Variants in BLTP3B observed in about 807,000 individuals in gnomAD.
The protein encoded by BLTP3B is bridge-like lipid transfer protein family member 3B.
chr12:100,046,295 T>C, the BLTP3B span, among the ~76,000 whole-genome samples: 1 of 152,280 alleles, frequency 6.6e-6, no homozygotes, highest in East Asian at 1.9e-4. Context: ...ATTGCAGCAC[T>C]ATTCACAATA....
the BLTP3B span, among the ~76,000 whole-genome samples, chr12:100,120,494 A>C: frequency 6.6e-6 from 1 of 152,202 alleles, no homozygotes; most frequent in African/African-American, 2.4e-5. Flanking sequence ...AGTCATTAGA[A>C]AACTGCAAAT....
the BLTP3B span, among the ~76,000 whole-genome samples, chr12:100,040,084 A>G: frequency 6.6e-6 from 1 of 152,154 alleles, no homozygotes; most frequent in East Asian, 1.9e-4. Flanking sequence ...ATTTAATTTA[A>G]AGGCTTATTA....
the BLTP3B span, among the ~76,000 whole-genome samples, chr12:100,091,105 C>T: frequency 2.0e-5 from 3 of 150,470 alleles, no homozygotes; most frequent in Non-Finnish European, 4.4e-5. Flanking sequence ...CAGCTCACTG[C>T]AACGTCCGCC....
the BLTP3B span, among the ~76,000 whole-genome samples, chr12:100,082,465 G>A: frequency 9.8e-3 from 1,496 of 152,238 alleles, 16 homozygotes; most frequent in Non-Finnish European, 0.017. Flanking sequence ...GATCTTGGCC[G>A]AGGCCAATCT....
the BLTP3B span, chr12:100,047,602 G>C: frequency 6.2e-7 from 1 of 1,613,322 alleles, no homozygotes; most frequent in Non-Finnish European, 8.5e-7. Flanking sequence ...ACAGGAGCTG[G>C]TTCAAGGGAT....
the BLTP3B span, among the ~76,000 whole-genome samples, chr12:100,060,621 G>T: frequency 6.6e-6 from 1 of 152,070 alleles, no homozygotes; most frequent in Non-Finnish European, 1.5e-5. Flanking sequence ...AATAGTGCTT[G>T]GAGTAATGTA....
chr12:100,065,357 A>T, the BLTP3B span, among the ~76,000 whole-genome samples: 2 of 152,160 alleles, frequency 1.3e-5, no homozygotes, highest in African/African-American at 4.8e-5. Flanking sequence ...AGACAACCAT[A>T]AGGTCTGACT....
At chr12:100,121,439 G>A in the BLTP3B span, among the ~76,000 whole-genome samples, 58 of 151,998 alleles carry the variant, frequency 3.8e-4, 1 homozygote, top group Middle Eastern at 3.4e-3. Context: ...TGAGGCAGAA[G>A]GAGAGAGAGG....
the BLTP3B span, chr12:100,086,216 A>C: frequency 9.1e-7 from 1 of 1,099,074 alleles, no homozygotes; most frequent in South Asian, 2.0e-5. Context: ...AAACTAAATA[A>C]ATTAGCTATA....
chr12:100,088,332 A>G, the BLTP3B span, among the ~76,000 whole-genome samples: 1 of 152,190 alleles, frequency 6.6e-6, no homozygotes, highest in Admixed American at 6.5e-5. Flanking sequence ...AAAAACGCCC[A>G]GCGCCTAGAT....
At chr12:100,112,717 G>C in the BLTP3B span, among the ~76,000 whole-genome samples, 125 of 152,034 alleles carry the variant, frequency 8.2e-4, no homozygotes, top group Non-Finnish European at 1.4e-3. Context: ...TTGGTTAAGG[G>C]AACAGAGAAT....
chr12:100,084,378 TCACACACACACACACACACACACACA>T, the BLTP3B span: 26 of 664,656 alleles, frequency 3.9e-5, no homozygotes, highest in African/African-American at 1.4e-4. Flanking sequence ...AATACTATGA[TCACACACACACACACACACACACACA>T]CACACACACA....
the BLTP3B span, among the ~76,000 whole-genome samples, chr12:100,101,414 CAAG>C: frequency 6.6e-6 from 1 of 152,170 alleles, no homozygotes; most frequent in African/African-American, 2.4e-5. Flanking sequence ...CATTCATCCT[CAAG>C]AAAAGTTTTA....
chr12:100,095,895 CT>C, the BLTP3B span: 1 of 1,370,406 alleles, frequency 7.3e-7, no homozygotes, highest in Non-Finnish European at 9.7e-7. Flanking sequence ...TTATAATACG[CT>C]TGTATTAAAA....
chr12:100,103,924 G>A, the BLTP3B span: 5 of 1,600,402 alleles, frequency 3.1e-6, no homozygotes, highest in African/African-American at 6.7e-5. Flanking sequence ...AAACAGATGG[G>A]ATGTGTTTTC....
chr12:100,086,309 C>G, the BLTP3B span: 1 of 1,532,896 alleles, frequency 6.5e-7, no homozygotes, highest in Non-Finnish European at 8.8e-7. Flanking sequence ...CTATAGTTAG[C>G]TGTGTAAAAG....
At chr12:100,093,058 A>G in the BLTP3B span, 1 of 612,524 alleles carries the variant, frequency 1.6e-6, no homozygotes, top group Non-Finnish European at 2.0e-6. Flanking sequence ...AAAATGTCCA[A>G]ATTCTTCAAT....
At chr12:100,049,344 A>G in the BLTP3B span, among the ~76,000 whole-genome samples, 24,953 of 152,198 alleles carry the variant, frequency 0.16, 3,619 homozygotes, top group African/African-American at 0.39. Context: ...GAAGACTGCT[A>G]TATCAATTCA....
chr12:100,103,973 T>A, the BLTP3B span: 1 of 1,584,840 alleles, frequency 6.3e-7, no homozygotes, highest in East Asian at 2.3e-5. Context: ...AAATTTTTAA[T>A]TTAAGATCAA....
Sources: allele counts gnomAD v4.1 joint callset (sites outside exome capture counted in the v4.1 genomes callset), GRCh38; gene constraint gnomAD v4.1.1; transcripts MANE v1.5; gene names NCBI Gene and HGNC (gene_info 2026-07-23, HGNC 2026-07-21).